The following KIF2A variants were observed in gnomAD, a reference collection of about 807,000 sequenced individuals.
KIF2A encodes kinesin-like protein KIF2A.
Under a neutral mutation model 100.2 loss-of-function variants are expected in KIF2A, and 22 were observed. The ratio of observed to expected loss-of-function variants is 0.22; its 90% CI spans 0.16 to 0.31. KIF2A has a LOEUF of 0.31. KIF2A is among the 10% of genes least tolerant of loss of function. The probability of loss-of-function intolerance (pLI) is 1.00; values close to 1 mark genes in which losing one functional copy is unlikely to be tolerated. For missense variants in KIF2A, 495 were observed against 898.7 expected, an observed-to-expected ratio of 0.55 and a Z score of 5.74; for synonymous variants, 268 against 285.9, an observed-to-expected ratio of 0.94 and a Z score of 0.63.
chr5:62,333,989 A>ATGGGACAAGCATTTGCT (rs1746788150), intron 1 of KIF2A, among the ~76,000 whole-genome samples: 1 of 152,180 alleles, frequency 6.6e-6, no homozygotes, highest in Non-Finnish European at 1.5e-5. Flanking sequence ...TGGGATACTT[A>ATGGGACAAGCATTTGCT]GAAGCTGTCG....
chr5:62,356,829 A>G (rs1265737101), intron 7 of KIF2A, among the ~76,000 whole-genome samples: 1 of 144,824 alleles, frequency 6.9e-6, no homozygotes, highest in Admixed American at 7.2e-5. Flanking sequence ...TCTGTTGCCC[A>G]GGCTGAGGTG....
At chr5:62,362,690 T>G in intron 12 of KIF2A, 149 bp downstream of exon 12, 1 of 370,972 alleles carries the variant, frequency 2.7e-6, no homozygotes, top group Non-Finnish European at 4.9e-6. Flanking sequence ...ATTTAGAACT[T>G]TTATATTAGA....
At chr5:62,364,151 G>GTT (rs760117138) in intron 14 of KIF2A, among the ~76,000 whole-genome samples, 7 of 143,072 alleles carry the variant, frequency 4.9e-5, no homozygotes, top group East Asian at 2.0e-4. Flanking sequence ...AACTCCAGAG[G>GTT]TTTTTTTTTT....
In KIF2A at chr5:62,306,223, C is replaced by G. The variant is rs141968809; in HGVS notation, c.-250C>G. The G allele has an allele frequency of 2.2e-6, 1 of 460,066 alleles. No individual in the cohort carries two copies. The highest frequency in any genetic ancestry group is 3.8e-6 in the Non-Finnish European group (1 of 260,550). The allele number at this position is 460,066 out of a possible 1,614,324, so 28.5% of individuals were successfully genotyped here. A position where few individuals can be genotyped will look rare whatever the true frequency, so the allele number is the denominator to read the frequency against. ...GCCCTCCCACTCTACCCCGCGCCGT[C>G]TCACGGCCCCGGCCCTAGCTTCACC... On this transcript the variant is annotated 5_prime_UTR_variant, in exon 1 of 21. Transcript: ENST00000407818.
Position 62,347,942 on chromosome 5 carries a change from G to A in KIF2A, c.160-106G>A, listed in dbSNP as rs3776614. 0.068 allele frequency: 86,887 copies of A among 1,269,498 alleles called. 3,366 individuals carry two copies. The highest frequency in any genetic ancestry group is 0.12 in the East Asian group (4,830 of 40,264). The allele number at this position is 1,269,498 out of a possible 1,614,324, so 78.6% of individuals were successfully genotyped here. A position where few individuals can be genotyped will look rare whatever the true frequency, so the allele number is the denominator to read the frequency against. ...CCCAGCCGAGTTACTGTATTCATTA[G>A]GCTAAAGTAATTTAAGAGTTATTTA... On this transcript the variant is annotated intron_variant, in intron 2 of 20. Coordinates refer to ENST00000407818, the MANE Select transcript of KIF2A (RefSeq NM_001098511.3).
intron 1 of KIF2A, among the ~76,000 whole-genome samples, chr5:62,332,224 A>G (rs1440407294): frequency 6.6e-6 from 1 of 152,214 alleles, no homozygotes; most frequent in Non-Finnish European, 1.5e-5. Context: ...GACAAATAGC[A>G]CTAATACCAG....
intron 1 of KIF2A, among the ~76,000 whole-genome samples, chr5:62,336,109 T>C (rs1746931459): frequency 6.6e-6 from 1 of 152,178 alleles, no homozygotes; most frequent in Non-Finnish European, 1.5e-5. Flanking sequence ...AAGGCATAGC[T>C]GAGCTCAAAA....
chr5:62,366,277 G>A (rs1283406375), intron 15 of KIF2A, 137 bp from the exon 16 acceptor site: 3 of 642,120 alleles, frequency 4.7e-6, no homozygotes, highest in African/African-American at 1.9e-5. Flanking sequence ...AAATAATCTT[G>A]GAGTTGAGAT....
rs545137178 is a variant in KIF2A at position 62,371,935 on chromosome 5, A to C, written c.1647-503A>C. Among the ~76,000 whole-genome samples the C allele has an allele frequency of 2.7e-4, 41 of 152,382 alleles. No individual in the cohort carries two copies. The South Asian group carries it at 8.3e-3, about 31-fold the overall frequency. On this transcript the variant is annotated intron_variant, in intron 16 of 20. Coordinates refer to ENST00000407818, the MANE Select transcript of KIF2A (RefSeq NM_001098511.3). ...AGTGAATATTTTCTCAGTTATACCA[A>C]GGACATTTCACAGCTAATGCCATTC...
At chr5:62,378,008 A>G (rs1270622970) in intron 19 of KIF2A, among the ~76,000 whole-genome samples, 1 of 152,016 alleles carries the variant, frequency 6.6e-6, no homozygotes, top group African/African-American at 2.4e-5. Context: ...GGTTTTTGTC[A>G]TTTGTCCATT....
chr5:62,308,440 G>C (rs1745411736), intron 1 of KIF2A: 8 of 1,001,908 alleles, frequency 8.0e-6, no homozygotes, highest in Middle Eastern at 2.2e-4. Context: ...GAAGATATCT[G>C]CACTCTCGCG....
intron 16 of KIF2A, among the ~76,000 whole-genome samples, chr5:62,372,030 T>G (rs1237065122): frequency 1.3e-5 from 2 of 152,220 alleles, no homozygotes; most frequent in Non-Finnish European, 2.9e-5. Flanking sequence ...CTTAATTCCC[T>G]TGTGTCCTGT....
chr5:62,356,973 A>G (rs1002902285), intron 7 of KIF2A, among the ~76,000 whole-genome samples: 6 of 151,908 alleles, frequency 3.9e-5, no homozygotes, highest in South Asian at 2.1e-4. Flanking sequence ...TTTAGTAGTG[A>G]TGGAGTTTTA....
intron 19 of KIF2A, 138 bp from the exon 20 acceptor site, chr5:62,380,978 CTG>C (rs1741751035): frequency 7.7e-6 from 5 of 650,770 alleles, no homozygotes; most frequent in Non-Finnish European, 1.3e-5. Flanking sequence ...ATTATACTGT[CTG>C]TGAATAAAGA....
chr5:62,316,443 A>G (rs974283581), intron 1 of KIF2A, among the ~76,000 whole-genome samples: 2 of 152,130 alleles, frequency 1.3e-5, no homozygotes, highest in Non-Finnish European at 2.9e-5. Context: ...TTTCACCCTT[A>G]GGATTCTAAG....
rs1342723676 is a variant in KIF2A at position 62,385,741 on chromosome 5, T to G, written c.*172T>G. On this transcript the variant is annotated 3_prime_UTR_variant, in exon 21 of 21. Transcript: ENST00000407818. Reference sequence around the variant, plus strand: ...AAACACTCTTTTGTCTACAAAATGCTTCTAGTCCAGGAGGCACAACCAAGA... The same window carrying G: ...AAACACTCTTTTGTCTACAAAATGCGTCTAGTCCAGGAGGCACAACCAAGA... 1 of 587,916 alleles carries G rather than the reference T, an allele frequency of 1.7e-6. No individual in the cohort carries two copies. Among genetic ancestry groups the G allele is most frequent in the African/African-American group, 1.9e-5 (1 of 53,790 alleles). 36.4% of individuals were successfully genotyped at this position (587,916 alleles called of 1,614,324 possible).
chr5:62,378,661 T>TAATACC (rs1259151578), intron 19 of KIF2A, among the ~76,000 whole-genome samples: 2 of 152,190 alleles, frequency 1.3e-5, no homozygotes. Flanking sequence ...CTCATGCCTG[T>TAATACC]AATACCAGCA....
chr5:62,332,833 T>C (rs1317646637), intron 1 of KIF2A, among the ~76,000 whole-genome samples: 1 of 152,244 alleles, frequency 6.6e-6, no homozygotes, highest in African/African-American at 2.4e-5. Flanking sequence ...TAAAATCTTT[T>C]CTTCCAGTAT....
intron 1 of KIF2A, among the ~76,000 whole-genome samples, chr5:62,329,172 A>C (rs540843805): frequency 6.6e-6 from 1 of 152,336 alleles, no homozygotes; most frequent in East Asian, 1.9e-4. Context: ...TAAGAAAGGA[A>C]ATACTAGAAC....
Sources: allele counts gnomAD v4.1 joint callset (sites outside exome capture counted in the v4.1 genomes callset), GRCh38; gene constraint gnomAD v4.1.1; transcripts MANE v1.5; gene names NCBI Gene and HGNC (gene_info 2026-07-23, HGNC 2026-07-21).